The following CEACAM21 variants were observed in gnomAD, a reference collection of about 807,000 sequenced individuals.
CEACAM21 encodes cell adhesion molecule CEACAM21.
A neutral mutation model predicts 33.2 loss-of-function variants in CEACAM21; 38 were observed. That is an observed-to-expected ratio of 1.14 (90% CI 0.88 to 1.50). CEACAM21 has a LOEUF of 1.50. Among genes scored for constraint, CEACAM21 ranks in the 40% most tolerant of loss-of-function variants. CEACAM21 has a pLI of 0.00. For synonymous variants in CEACAM21, 156 were observed against 143.0 expected, an observed-to-expected ratio of 1.09 and a Z score of -0.65; for missense variants, 385 against 364.6, an observed-to-expected ratio of 1.06 and a Z score of -0.46.
chr19:41,552,652 A>G (rs1034111847), intron 1 of CEACAM21, among the ~76,000 whole-genome samples: 2 of 152,134 alleles, frequency 1.3e-5, no homozygotes, highest in Non-Finnish European at 2.9e-5. Context: ...AATCATAGGG[A>G]GATGGAGCAT....
intron 2 of CEACAM21, among the ~76,000 whole-genome samples, chr19:41,570,074 C>T (rs537120007): frequency 3.3e-5 from 5 of 152,184 alleles, no homozygotes; most frequent in Non-Finnish European, 7.4e-5. Context: ...GCGGCAGTCA[C>T]CCTGGTGCCA....
Position 41,579,438 on chromosome 19 carries a change from C to T in CEACAM21, c.510C>T (p.Asn170=), listed in dbSNP as rs782495509. 4 of 1,613,956 alleles carry T rather than the reference C, an allele frequency of 2.5e-6. No individual in the cohort carries two copies. Among genetic ancestry groups the T allele is most frequent in the Non-Finnish European group, 3.4e-6 (4 of 1,179,876 alleles). Residue 170 remains asparagine, a synonymous_variant, in exon 3 of 7, where the codon AAC becomes AAT. Transcript: ENST00000401445. ...GSVVLTCHTN[N]TGTSFQWIFN... is the part of the protein sequence containing the mutation. The stretch of plus-strand genomic sequence containing the variant: ...TGGTCCTGACCTGCCACACAAATAA[C>T]ACTGGAACCTCTTTCCAGTGGATTT...
At chr19:41,563,033 A>T (rs1271610757) in intron 1 of CEACAM21, among the ~76,000 whole-genome samples, 2 of 152,144 alleles carry the variant, frequency 1.3e-5, no homozygotes, top group African/African-American at 4.8e-5. Flanking sequence ...CAGCCTCAGT[A>T]TTTCATTTTC....
At chr19:41,566,421 A>T (rs1479276658) in intron 2 of CEACAM21, among the ~76,000 whole-genome samples, 1 of 152,358 alleles carries the variant, frequency 6.6e-6, no homozygotes, top group African/African-American at 2.4e-5. Context: ...CTAAAAACCT[A>T]TTGAGATAAT....
chr19:41,581,256 C>A (rs2043358133), intron 3 of CEACAM21, among the ~76,000 whole-genome samples: 1 of 152,266 alleles, frequency 6.6e-6, no homozygotes, highest in Admixed American at 6.5e-5. Context: ...CAATCTGCAT[C>A]TTAAGGGCGT....
At chr19:41,563,577 C>T (rs1371209240) in intron 1 of CEACAM21, among the ~76,000 whole-genome samples, 1 of 152,244 alleles carries the variant, frequency 6.6e-6, no homozygotes, top group Non-Finnish European at 1.5e-5. Context: ...CAGAGAGGAT[C>T]CCCTAGTGGT....
intron 5 of CEACAM21, 122 bp from the exon 6 acceptor site, chr19:41,585,717 TA>T: frequency 8.5e-7 from 1 of 1,170,682 alleles, no homozygotes; most frequent in Non-Finnish European, 1.2e-6. Context: ...ACTTGACCCC[TA>T]AAATAACCTG....
At chr19:41,580,318 G>C in intron 3 of CEACAM21, among the ~76,000 whole-genome samples, 1 of 151,870 alleles carries the variant, frequency 6.6e-6, no homozygotes, top group South Asian at 2.1e-4. Flanking sequence ...GATGGGGGGG[G>C]GTTTCTCCCA....
At position 41,585,415 on chromosome 19, in the gene CEACAM21, C is replaced by T. The variant is rs1413321325; in HGVS notation, c.798-28C>T. 4 of 1,613,154 alleles carry T rather than the reference C, an allele frequency of 2.5e-6. No homozygotes were observed. The East Asian group carries it at 6.7e-5, about 27-fold the overall frequency. ...CAATTTGTGACTTTTAACCTTGCAC[C>T]TTCACAAATAACCCTGACCTTTCCT... is the stretch of plus-strand genomic sequence containing the variant. On this transcript the variant is annotated intron_variant, in intron 4 of 6. Transcript: ENST00000401445.
rs782545367 is a variant in CEACAM21 at position 41,577,285 on chromosome 19, T to C, written c.150T>C (p.Asn50=). ...CCTTTGAAGTTGCTGAAGGGGAGAATGTTCATCTCTCTGTGGTTTATCTGC... is the reference window on the plus strand; with the variant it reads ...CCTTTGAAGTTGCTGAAGGGGAGAACGTTCATCTCTCTGTGGTTTATCTGC... The part of the protein sequence containing the change: ...SAPFEVAEGE[N]VHLSVVYLPE... Residue 50 remains asparagine (N), a synonymous_variant, in exon 2 of 7, where the codon AAT becomes AAC. Transcript: ENST00000401445. 13 of 1,614,156 alleles carry C rather than the reference T, an allele frequency of 8.1e-6. No individual in the cohort carries two copies. The highest frequency in any genetic ancestry group is 1.0e-5 in the Non-Finnish European group (12 of 1,180,012).
At chr19:41,559,580 T>C (rs1051648285) in intron 1 of CEACAM21, among the ~76,000 whole-genome samples, 9 of 152,032 alleles carry the variant, frequency 5.9e-5, no homozygotes, top group African/African-American at 1.7e-4. Flanking sequence ...AAATAGTTAA[T>C]ATGTATGAAA....
intron 3 of CEACAM21, 69 bp downstream of exon 3, chr19:41,579,697 A>G: frequency 9.1e-7 from 1 of 1,094,192 alleles, no homozygotes; most frequent in South Asian, 1.6e-5. Flanking sequence ...GGGGTGTAAA[A>G]TGATACACGG....
In CEACAM21 at chr19:41,585,549, T is replaced by C. The variant is rs2070671416; in HGVS notation, c.850+54T>C. 4 of 1,584,002 alleles carry C rather than the reference T, an allele frequency of 2.5e-6. No individual in the cohort carries two copies. In the East Asian group the frequency reaches 8.9e-5, roughly 35 times the overall value. On this transcript the variant is annotated intron_variant, in intron 5 of 6. Transcript: ENST00000401445. The stretch of plus-strand genomic sequence containing the variant: ...TGGGAACTACTAAGCCAGCCCCAAG[T>C]TGTCCACTCCTGCCAGTTACACCCA...
intron 1 of CEACAM21, chr19:41,550,746 T>G (rs2041154025): frequency 6.6e-6 from 1 of 152,162 alleles, no homozygotes; most frequent in Non-Finnish European, 1.5e-5. Context: ...CACTCCAGAC[T>G]GGGTAACAGA....
intron 1 of CEACAM21, among the ~76,000 whole-genome samples, chr19:41,554,462 T>G (rs567979289): frequency 6.6e-6 from 1 of 152,032 alleles, no homozygotes; most frequent in African/African-American, 2.4e-5. Context: ...CACTGAGATA[T>G]AGCAGAATTA....
intron 1 of CEACAM21, among the ~76,000 whole-genome samples, chr19:41,554,618 T>C (rs1374470203): frequency 6.6e-6 from 1 of 152,090 alleles, no homozygotes; most frequent in African/African-American, 2.4e-5. Flanking sequence ...TTTACATTAG[T>C]GTACTATTAA....
chr19:41,553,461 CT>C (rs2041348581), intron 1 of CEACAM21, among the ~76,000 whole-genome samples: 1 of 152,028 alleles, frequency 6.6e-6, no homozygotes, highest in Non-Finnish European at 1.5e-5. Context: ...CTTTATTATG[CT>C]TTGCCACTTT....
intron 3 of CEACAM21, among the ~76,000 whole-genome samples, chr19:41,584,028 A>G (rs2070518339): frequency 1.3e-5 from 2 of 152,274 alleles, no homozygotes; most frequent in South Asian, 2.1e-4. Flanking sequence ...TACGACTGCC[A>G]TGGGATGGAA....
At position 41,576,260 on chromosome 19, in the gene CEACAM21, C is replaced by A; in HGVS notation, c.-15C>A. 1 of 1,613,860 alleles carries A rather than the reference C, an allele frequency of 6.2e-7. No individual in the cohort carries two copies. Among genetic ancestry groups the A allele is most frequent in the Non-Finnish European group, 8.5e-7 (1 of 1,179,824 alleles). On this transcript the variant is annotated 5_prime_UTR_variant, in exon 1 of 7. Transcript: ENST00000401445. ...CTCCTCTCCACAGAGGAGGACAGAG[C>A]AGGCAGCAGAGACCATGGGGCCCCC...
Sources: allele counts gnomAD v4.1 joint callset (sites outside exome capture counted in the v4.1 genomes callset), GRCh38; gene constraint gnomAD v4.1.1; transcripts MANE v1.5; gene names NCBI Gene and HGNC (gene_info 2026-07-23, HGNC 2026-07-21).